Variants in PDE4DIP observed in about 807,000 individuals in gnomAD.
PDE4DIP encodes the protein myomegalin.
In PDE4DIP, 59 loss-of-function variants were observed where a neutral mutation model predicts 221.4. That is an observed-to-expected ratio of 0.27 (90% CI 0.22 to 0.33). The LOEUF (loss-of-function observed/expected upper bound fraction) is 0.33, where lower values mean the gene tolerates loss of function less well. Ranked by LOEUF, PDE4DIP falls within the 10% of genes least tolerant of loss-of-function variation. PDE4DIP has a pLI of 1.00. For missense variants in PDE4DIP, 1,036 were observed against 2,154.2 expected, an observed-to-expected ratio of 0.48 and a Z score of 10.28; for synonymous variants, 404 against 815.9, an observed-to-expected ratio of 0.50 and a Z score of 8.60.
At chr1:148,954,638 A>G (rs1258559446) in intron 5 of PDE4DIP, among the ~76,000 whole-genome samples, 1 of 152,208 alleles carries the variant, frequency 6.6e-6, no homozygotes, top group Non-Finnish European at 1.5e-5. Flanking sequence ...GGATTAACCC[A>G]TTATTGGATC....
Position 148,968,823 on chromosome 1 carries a change from C to T in PDE4DIP, c.1786-13C>T. 6.3e-7 allele frequency: 1 copy of T among 1,594,728 alleles called. No homozygotes were observed. The highest frequency in any genetic ancestry group is 8.6e-7 in the Non-Finnish European group (1 of 1,165,398). ...CTTTCCTCCAGAAGCTTACAGTGTC[C>T]TTTCTGCATTAGGATCTTAGTGCAA... is the stretch of plus-strand genomic sequence containing the variant. On this transcript the variant is annotated splice_polypyrimidine_tract_variant and intron_variant, in intron 13 of 43. Transcript: ENST00000369354.
At chr1:149,024,819 A>G (rs1699820) in intron 38 of PDE4DIP, 135 bp downstream of exon 41, 644 of 636,992 alleles carry the variant, frequency 1.0e-3, no homozygotes, top group East Asian at 9.4e-3. Flanking sequence ...TAGTCTAGCA[A>G]CCTGAGTGAA....
At chr1:148,919,565 A>G (rs1453840420) in intron 1 of PDE4DIP, among the ~76,000 whole-genome samples, 1 of 151,854 alleles carries the variant, frequency 6.6e-6, no homozygotes, top group Non-Finnish European at 1.5e-5. Context: ...TCCCTGTTTT[A>G]TAGAGTTATG....
At chr1:148,976,685 A>C (rs1574731190) in intron 17 of PDE4DIP, among the ~76,000 whole-genome samples, 2 of 151,798 alleles carry the variant, frequency 1.3e-5, no homozygotes, top group East Asian at 3.9e-4. Flanking sequence ...GAGTATAGTA[A>C]GTGATATGAG....
At chr1:148,887,439 AC>A (rs1311953635), upstream of PDE4DIP, among the ~76,000 whole-genome samples, 2 of 145,912 alleles carry the variant, frequency 1.4e-5, no homozygotes, top group African/African-American at 5.0e-5. Flanking sequence ...ACGCTGTGAA[AC>A]CCTGTCTCTA....
chr1:148,980,881 C>T (rs1417557228), intron 20 of PDE4DIP, among the ~76,000 whole-genome samples: 2 of 152,206 alleles, frequency 1.3e-5, no homozygotes, highest in Non-Finnish European at 2.9e-5. Flanking sequence ...AGTAGTGGTT[C>T]TACTTGGCTC....
rs1192871076 is a variant in PDE4DIP, at chr1:148,989,388, A to C, written c.2816-2497A>C. Reference sequence around the variant, plus strand: ...ATTTGTCTCCGTCGAATTCCTTATGAAGCCAGAACCATAGCATCCTGCTCT... The same window carrying C: ...ATTTGTCTCCGTCGAATTCCTTATGCAGCCAGAACCATAGCATCCTGCTCT... On this transcript the variant is annotated intron_variant, in intron 21 of 43. Transcript: ENST00000369354. The C allele has an allele frequency of 1.1e-5, 10 of 892,432 alleles. No individual in the cohort carries two copies. In the African/African-American group the frequency reaches 1.8e-4, roughly 16 times the overall value. 55.3% of individuals were successfully genotyped at this position (892,432 alleles called of 1,614,324 possible). A position where few individuals can be genotyped will look rare whatever the true frequency, so the allele number is the denominator to read the frequency against.
intron 5 of PDE4DIP, among the ~76,000 whole-genome samples, chr1:148,954,315 T>C (rs2054564645): frequency 6.6e-6 from 1 of 152,156 alleles, no homozygotes; most frequent in Admixed American, 6.5e-5. Context: ...AATGGTTTTC[T>C]GTAAGGCAGT....
intron 9 of PDE4DIP, among the ~76,000 whole-genome samples, chr1:148,962,975 C>T (rs1197171426): frequency 6.6e-6 from 1 of 152,198 alleles, no homozygotes; most frequent in African/African-American, 2.4e-5. Context: ...TCACTGCAAC[C>T]TCCGCCTCCT....
At chr1:148,844,226 G>T (rs1553380019) in intron 1 of PDE4DIP, among the ~76,000 whole-genome samples, 1 of 115,230 alleles carries the variant, frequency 8.7e-6, no homozygotes, top group Admixed American at 9.2e-5. Flanking sequence ...CGAGGGACGG[G>T]GCTTGGTACC....
intron 5 of PDE4DIP, among the ~76,000 whole-genome samples, chr1:148,948,195 A>G (rs1553484992): frequency 1.3e-5 from 2 of 150,602 alleles, no homozygotes; most frequent in African/African-American, 4.9e-5. Context: ...TATAAAATTA[A>G]TAATTTGTTT....
intron 5 of PDE4DIP, among the ~76,000 whole-genome samples, chr1:148,951,716 A>G (rs1455706380): frequency 1.3e-5 from 2 of 152,304 alleles, no homozygotes; most frequent in African/African-American, 4.8e-5. Context: ...CCAGATTCAC[A>G]TTGTATGTGC....
In PDE4DIP at chr1:148,859,824, G is replaced by A. The variant is rs1553398962; in HGVS notation, c.234-3426G>A. Among the ~76,000 whole-genome samples, 697 of 124,136 alleles carry A rather than the reference G, an allele frequency of 5.6e-3. 12 individuals carry two copies. The highest frequency in any genetic ancestry group is 0.023 in the African/African-American group (667 of 28,738). 81.4% of individuals were successfully genotyped at this position (124,136 alleles called of 152,430 possible). A position where few individuals can be genotyped will look rare whatever the true frequency, so the allele number is the denominator to read the frequency against. ...TGTGTGTGTGTGTGTGTGTGTGTGT[G>A]TGTGTATGTGTGTGTGTGTGTGTGT... On this transcript the variant is annotated intron_variant, in intron 1 of 45. Transcript: ENST00000524974.
chr1:148,986,422 G>A (rs1305183241), intron 21 of PDE4DIP: 1 of 152,086 alleles, frequency 6.6e-6, no homozygotes, highest in Non-Finnish European at 1.5e-5. Flanking sequence ...AGCTATCTTA[G>A]TTGAAACACA....
Position 149,023,833 on chromosome 1 carries a change from T to C in PDE4DIP, c.6086-612T>C, listed in dbSNP as rs181959216. Reference sequence around the variant, plus strand: ...ACATATATATGTACATGTATATGTGTGCACATATATACACCTATATATAGT... The same window carrying C: ...ACATATATATGTACATGTATATGTGCGCACATATATACACCTATATATAGT... On this transcript the variant is annotated intron_variant, in intron 37 of 43. Transcript: ENST00000369354. Among the ~76,000 whole-genome samples the C allele has an allele frequency of 7.1e-4, 101 of 141,922 alleles. 1 individual carries two copies. Among genetic ancestry groups the C allele is most frequent in the Admixed American group, 2.4e-3 (30 of 12,282 alleles). 93.1% of individuals were successfully genotyped at this position (141,922 alleles called of 152,430 possible).
intron 1 of PDE4DIP, among the ~76,000 whole-genome samples, chr1:148,927,085 T>G (rs1258724216): frequency 1.3e-5 from 2 of 150,354 alleles, no homozygotes; most frequent in Non-Finnish European, 3.0e-5. Flanking sequence ...AGGATATACT[T>G]CTAATGAAAC....
intron 21 of PDE4DIP, among the ~76,000 whole-genome samples, chr1:148,987,520 A>G (rs1218068690): frequency 6.6e-6 from 1 of 152,200 alleles, no homozygotes; most frequent in Non-Finnish European, 1.5e-5. Flanking sequence ...TGAGAGTATT[A>G]GACACAAGGG....
intron 5 of PDE4DIP, among the ~76,000 whole-genome samples, chr1:148,944,254 G>C (rs2051116403): frequency 6.6e-6 from 1 of 152,192 alleles, no homozygotes; most frequent in Non-Finnish European, 1.5e-5. Context: ...AGGGTGGATA[G>C]GATTTTGATA....
At chr1:149,030,665 A>G (rs2152824590) in intron 43 of PDE4DIP, 1 of 838,914 alleles carries the variant, frequency 1.2e-6, no homozygotes, top group East Asian at 1.2e-4. Context: ...TATGTGTTCT[A>G]CTCTTCATGA....
Sources: gnomAD v4.1 joint callset for allele counts (sites outside exome capture counted in the v4.1 genomes callset) on GRCh38, gnomAD v4.1.1 for gene constraint, MANE v1.5 for transcripts, NCBI Gene and HGNC (gene_info 2026-07-23, HGNC 2026-07-21) for gene names.